Variants in FAT3 observed in about 807,000 individuals in gnomAD.
FAT3 encodes protocadherin Fat 3.
In FAT3, 95 loss-of-function variants were observed where a neutral mutation model predicts 310.2. The observed-to-expected ratio is 0.31, with a 90% CI of 0.26 to 0.36. The LOEUF (loss-of-function observed/expected upper bound fraction) is 0.36, where lower values mean the gene tolerates loss of function less well. Ranked by LOEUF, FAT3 falls within the 10% of genes least tolerant of loss-of-function variation. The pLI, the probability that FAT3 is intolerant of heterozygous loss-of-function variation, is 1.00. For missense variants in FAT3, 5,408 were observed against 5,715.6 expected, an observed-to-expected ratio of 0.95 and a Z score of 1.74; for synonymous variants, 2,314 against 2,192.9, an observed-to-expected ratio of 1.06 and a Z score of -1.54.
At chr11:92,449,447 G>T (rs543923521) in intron 2 of FAT3, among the ~76,000 whole-genome samples, 85 of 152,250 alleles carry the variant, frequency 5.6e-4, no homozygotes, top group African/African-American at 2.0e-3. Flanking sequence ...AGACAAAGAA[G>T]TGTAGAGCTG....
chr11:92,325,763 C>A (rs939747391), intron 1 of FAT3, among the ~76,000 whole-genome samples: 1 of 152,174 alleles, frequency 6.6e-6, no homozygotes, highest in Non-Finnish European at 1.5e-5. Flanking sequence ...TGCTGAGTAG[C>A]TGGGACTACA....
intron 9 of FAT3, among the ~76,000 whole-genome samples, chr11:92,795,653 G>A (rs1026625911): frequency 6.6e-6 from 1 of 152,074 alleles, no homozygotes; most frequent in African/African-American, 2.4e-5. Flanking sequence ...GCTCGTGCCT[G>A]TAATCCCAGC....
intron 2 of FAT3, among the ~76,000 whole-genome samples, chr11:92,518,960 C>T (rs761708070): frequency 6.6e-6 from 1 of 151,922 alleles, no homozygotes; most frequent in Non-Finnish European, 1.5e-5. Context: ...TGTCAAGATG[C>T]CAGTTCTTAC....
intron 3 of FAT3, among the ~76,000 whole-genome samples, chr11:92,648,953 G>C (rs1942268883): frequency 6.6e-6 from 1 of 152,102 alleles, no homozygotes; most frequent in African/African-American, 2.4e-5. Context: ...CTCTCCTTCT[G>C]CTCTCCCTTC....
intron 1 of FAT3, among the ~76,000 whole-genome samples, chr11:92,227,124 G>A (rs932947148): frequency 1.3e-5 from 2 of 152,220 alleles, no homozygotes; most frequent in Non-Finnish European, 2.9e-5. Context: ...GTTCCTGTGC[G>A]TGGGTCCTTA....
chr11:92,772,491 C>A (rs74419782), intron 6 of FAT3, among the ~76,000 whole-genome samples: 29 of 152,136 alleles, frequency 1.9e-4, no homozygotes, highest in African/African-American at 7.0e-4. Context: ...GGCTTGCTTC[C>A]CTTTTCAGCC....
At chr11:92,456,646 C>A (rs527327316) in intron 2 of FAT3, among the ~76,000 whole-genome samples, 1 of 152,246 alleles carries the variant, frequency 6.6e-6, no homozygotes, top group Non-Finnish European at 1.5e-5. Context: ...CTTTTCATAT[C>A]TTTGTGTGCA....
intron 19 of FAT3, among the ~76,000 whole-genome samples, chr11:92,846,330 ATACAGT>A (rs1948683160): frequency 6.6e-6 from 1 of 152,168 alleles, no homozygotes; most frequent in Non-Finnish European, 1.5e-5. Context: ...AGCAAAAAAG[ATACAGT>A]TACTGCCCTT....
At chr11:92,421,041 C>G (rs527425553) in intron 2 of FAT3, among the ~76,000 whole-genome samples, 2 of 152,256 alleles carry the variant, frequency 1.3e-5, no homozygotes, top group Non-Finnish European at 2.9e-5. Flanking sequence ...AGATAATTCT[C>G]CTGCCTGTTG....
At chr11:92,278,869 G>GGA (rs932791769) in intron 1 of FAT3, among the ~76,000 whole-genome samples, 7 of 152,256 alleles carry the variant, frequency 4.6e-5, no homozygotes, top group South Asian at 2.1e-4. Context: ...CAGTGTACCT[G>GGA]GAGTAGGATA....
chr11:92,545,840 C>T lies in FAT3; in HGVS notation c.3607+20892C>T, dbSNP rs74479498. On this transcript the variant is annotated intron_variant, in intron 3 of 27. Transcript: ENST00000525166. Reference sequence around the variant, plus strand: ...GGGTGTTTTATGCTATACAGCAAAGCCCTTTCAGAGCCACCTCTGGACATG... The same window carrying T: ...GGGTGTTTTATGCTATACAGCAAAGTCCTTTCAGAGCCACCTCTGGACATG... Among the ~76,000 whole-genome samples the T allele has an allele frequency of 2.1e-3, 320 of 152,302 alleles. 1 individual carries two copies. The highest frequency in any genetic ancestry group is 3.3e-3 in the Non-Finnish European group (226 of 68,030).
chr11:92,239,068 C>G (rs1864556063), intron 1 of FAT3, among the ~76,000 whole-genome samples: 1 of 152,080 alleles, frequency 6.6e-6, no homozygotes, highest in African/African-American at 2.4e-5. Context: ...CTATTATTAT[C>G]TCTACCAAAA....
rs1258321066 is a variant in FAT3, at chr11:92,801,076, A to C, written c.8063A>C (p.Lys2688Thr). The C allele has an allele frequency of 6.2e-7, 1 of 1,613,924 alleles. No individual in the cohort carries two copies. ...VKAVDGGIPV[K>T]HSLIPVYIHV... is the part of the protein sequence containing the mutation. The stretch of plus-strand genomic sequence containing the variant: ...GCAGTAGATGGGGGCATCCCAGTAA[A>C]GCACTCCCTCATTCCTGTCTATATC... Residue 2688 changes from lysine to threonine, a missense_variant, in exon 10 of 28, where the codon AAG becomes ACG. Lys to Thr is a moderately conservative substitution (Grantham distance 78, BLOSUM62 -1). Coordinates refer to ENST00000525166, the MANE Select transcript of FAT3 (RefSeq NM_001367949.2).
In FAT3 at chr11:92,865,709, C is replaced by T. The variant is rs116193360; in HGVS notation, c.11659-1032C>T. Among the ~76,000 whole-genome samples the T allele has an allele frequency of 5.6e-3, 855 of 152,302 alleles. 8 individuals carry two copies. Among genetic ancestry groups the T allele is most frequent in the African/African-American group, 0.019 (775 of 41,566 alleles). ...TCTGAGAAATGTAGAACAAGGTGGACGACACAGGGGATTCAAAGACATGTT... is the reference window on the plus strand; with the variant it reads ...TCTGAGAAATGTAGAACAAGGTGGATGACACAGGGGATTCAAAGACATGTT... On this transcript the variant is annotated intron_variant, in intron 21 of 27. Transcript: ENST00000525166.
intron 4 of FAT3, among the ~76,000 whole-genome samples, chr11:92,716,989 G>A (rs1268531066): frequency 9.2e-6 from 1 of 108,492 alleles, no homozygotes; most frequent in Admixed American, 8.9e-5. Flanking sequence ...TATATTTGCT[G>A]AATGATCTAG....
At chr11:92,580,757 C>G (rs1755282368) in intron 3 of FAT3, among the ~76,000 whole-genome samples, 1 of 152,018 alleles carries the variant, frequency 6.6e-6, no homozygotes, top group Admixed American at 6.6e-5. Context: ...CTGGCTATCC[C>G]CACTTTTGCC....
intron 2 of FAT3, among the ~76,000 whole-genome samples, chr11:92,515,865 G>C (rs1359153347): frequency 3.3e-5 from 5 of 152,062 alleles, no homozygotes; most frequent in African/African-American, 9.7e-5. Context: ...TACTGTCTCT[G>C]TTTGGAGATG....
At chr11:92,542,040 A>G (rs1329009455) in intron 3 of FAT3, among the ~76,000 whole-genome samples, 1 of 152,052 alleles carries the variant, frequency 6.6e-6, no homozygotes, top group Non-Finnish European at 1.5e-5. Flanking sequence ...AACAGACATT[A>G]TAACCAACTA....
intron 2 of FAT3, among the ~76,000 whole-genome samples, chr11:92,414,972 T>G (rs1950376183): frequency 6.6e-6 from 1 of 150,436 alleles, no homozygotes; most frequent in African/African-American, 2.5e-5. Context: ...ATCCTGCCAC[T>G]GCACTCCAGG....
Sources: allele counts gnomAD v4.1 joint callset (sites outside exome capture counted in the v4.1 genomes callset), GRCh38; gene constraint gnomAD v4.1.1; transcripts MANE v1.5; gene names NCBI Gene and HGNC (gene_info 2026-07-23, HGNC 2026-07-21).